The following HECW1 variants were observed in gnomAD, a reference collection of about 807,000 sequenced individuals.
HECW1 encodes E3 ubiquitin-protein ligase HECW1.
Under a neutral mutation model 182.3 loss-of-function variants are expected in HECW1, and 61 were observed. The ratio of observed to expected loss-of-function variants is 0.33; its 90% CI spans 0.27 to 0.41. The LOEUF is 0.41. Among genes scored for constraint, HECW1 ranks in the 10% least tolerant of loss-of-function variants. HECW1 has a pLI of 1.00. For synonymous variants in HECW1, 859 were observed against 832.6 expected (o/e 1.03, Z -0.55); for missense variants, 1,739 against 2,108.9 (o/e 0.82, Z 3.44).
At chr7:43,145,399 G>A (rs1158131782) in intron 2 of HECW1, among the ~76,000 whole-genome samples, 6 of 152,164 alleles carry the variant, frequency 3.9e-5, no homozygotes, top group Admixed American at 1.3e-4. Context: ...GGGCTCAGGC[G>A]ATCCTCCCAC....
chr7:43,308,188 AATATATTTAT>A (rs1807955843), intron 3 of HECW1, among the ~76,000 whole-genome samples: 1 of 100,846 alleles, frequency 9.9e-6, no homozygotes, highest in Non-Finnish European at 1.8e-5. Context: ...TATATATTAT[AATATATTTAT>A]ATATATTTTT....
Position 43,114,183 on chromosome 7 carries a change from G to T in HECW1, c.-240G>T. On this transcript the variant is annotated 5_prime_UTR_variant, in exon 2 of 30. The change creates a premature stop within an existing upstream ORF in the 5' untranslated region. Coordinates refer to ENST00000395891, the MANE Select transcript of HECW1 (RefSeq NM_015052.5). Reference sequence around the variant, plus strand: ...TATCAATGCTATGTTCAGCAGAAACGGATACAGCAAGAGCAGCATAGTTCA... The same window carrying T: ...TATCAATGCTATGTTCAGCAGAAACTGATACAGCAAGAGCAGCATAGTTCA... 1 of 1,228,612 alleles carries T rather than the reference G, an allele frequency of 8.1e-7. No individual in the cohort carries two copies. Among genetic ancestry groups the T allele is most frequent in the South Asian group, 1.4e-5 (1 of 71,002 alleles). The allele number at this position is 1,228,612 out of a possible 1,614,324, so 76.1% of individuals were successfully genotyped here.
chr7:43,312,140 T>A, intron 4 of HECW1, 53 bp downstream of exon 4: 1 of 1,441,236 alleles, frequency 6.9e-7, no homozygotes, highest in Non-Finnish European at 9.6e-7. Flanking sequence ...ACATATGCTG[T>A]CACATTTTAA....
intron 2 of HECW1, among the ~76,000 whole-genome samples, chr7:43,152,726 G>A (rs762174213): frequency 3.0e-4 from 46 of 152,094 alleles, no homozygotes; most frequent in Non-Finnish European, 4.4e-4. Context: ...TCACATTTAG[G>A]AATGAGATTT....
chr7:43,495,680 T>A (rs2079092400), intron 19 of HECW1, among the ~76,000 whole-genome samples: 1 of 152,210 alleles, frequency 6.6e-6, no homozygotes, highest in South Asian at 2.1e-4. Flanking sequence ...CACTTTCATT[T>A]ATGTTCAACT....
chr7:43,171,041 GCA>G (rs1042941226), intron 2 of HECW1, among the ~76,000 whole-genome samples: 8 of 152,208 alleles, frequency 5.3e-5, no homozygotes, highest in African/African-American at 1.9e-4. Context: ...CTCAACAGGG[GCA>G]CACTGTGGTT....
chr7:43,188,621 C>T (rs1160249877), intron 2 of HECW1, among the ~76,000 whole-genome samples: 1 of 152,138 alleles, frequency 6.6e-6, no homozygotes, highest in African/African-American at 2.4e-5. Context: ...ATAGCTGACA[C>T]CTCTGAGATT....
chr7:43,544,870 A>C (rs1033089553), intron 26 of HECW1, among the ~76,000 whole-genome samples: 1 of 152,238 alleles, frequency 6.6e-6, no homozygotes, highest in African/African-American at 2.4e-5. Context: ...AAAGAAAAAC[A>C]CAGGTCTAAA....
intron 2 of HECW1, among the ~76,000 whole-genome samples, chr7:43,152,178 T>A (rs1156234320): frequency 7.5e-6 from 1 of 133,202 alleles, no homozygotes; most frequent in Non-Finnish European, 1.6e-5. Flanking sequence ...ACTTAGGAAA[T>A]ATTCTGTTAA....
intron 22 of HECW1, 79 bp from the exon 23 acceptor site, chr7:43,507,939 C>G: frequency 2.1e-6 from 2 of 963,976 alleles, no homozygotes; most frequent in Non-Finnish European, 3.3e-6. Flanking sequence ...GAACCTAAAC[C>G]TGGACTCACA....
At chr7:43,456,261 C>T (rs779794866) in intron 12 of HECW1, 36 bp from the exon 13 acceptor site, 16 of 1,558,752 alleles carry the variant, frequency 1.0e-5, no homozygotes, top group South Asian at 2.3e-5. Flanking sequence ...GTAGTTTGTC[C>T]TTGATTTTTC....
chr7:43,385,435 C>G (rs1367100448), intron 6 of HECW1, among the ~76,000 whole-genome samples: 1 of 151,436 alleles, frequency 6.6e-6, no homozygotes, highest in East Asian at 1.9e-4. Flanking sequence ...TGAGTATACA[C>G]TGGACTCACC....
Position 43,407,778 on chromosome 7 carries a change from G to T in HECW1, c.801+47G>T, listed in dbSNP as rs779910177. Reference sequence around the variant, plus strand: ...AAAAAGCCCAAGTAAAAGTGAAAGGGCTGACTGTGAACCAGCCCTCCTCCT... The same window carrying T: ...AAAAAGCCCAAGTAAAAGTGAAAGGTCTGACTGTGAACCAGCCCTCCTCCT... On this transcript the variant is annotated intron_variant, in intron 8 of 29. Transcript: ENST00000395891. 1.2e-5 allele frequency: 19 copies of T among 1,545,692 alleles called. No homozygotes were observed. In the South Asian group the frequency reaches 2.0e-4, roughly 16 times the overall value.
intron 8 of HECW1, among the ~76,000 whole-genome samples, chr7:43,412,577 A>G (rs2075840393): frequency 1.4e-5 from 2 of 145,902 alleles, no homozygotes; most frequent in South Asian, 4.5e-4. Context: ...AGCATTAGGT[A>G]TATCTCCCAA....
At chr7:43,460,829 G>A (rs1484374414) in intron 13 of HECW1, among the ~76,000 whole-genome samples, 1 of 152,136 alleles carries the variant, frequency 6.6e-6, no homozygotes, top group Non-Finnish European at 1.5e-5. Flanking sequence ...CTGCCTCTGT[G>A]CTTCGGCAGA....
intron 24 of HECW1, among the ~76,000 whole-genome samples, chr7:43,513,294 G>C (rs186227545): frequency 6.6e-6 from 1 of 152,182 alleles, no homozygotes; most frequent in Non-Finnish European, 1.5e-5. Flanking sequence ...CTGGGACTCT[G>C]CTCTCCACGA....
intron 2 of HECW1, among the ~76,000 whole-genome samples, chr7:43,216,978 T>C (rs1410328549): frequency 5.3e-5 from 8 of 152,138 alleles, no homozygotes; most frequent in Admixed American, 5.2e-4. Context: ...AAAGCATCCT[T>C]GCACCAGAGG....
intron 2 of HECW1, among the ~76,000 whole-genome samples, chr7:43,145,303 C>T (rs963669571): frequency 3.9e-5 from 6 of 152,054 alleles, no homozygotes; most frequent in East Asian, 1.9e-4. Flanking sequence ...CTTTCATACA[C>T]GTATATATTT....
intron 2 of HECW1, chr7:43,147,722 G>A (rs1583689476): frequency 6.6e-6 from 1 of 152,096 alleles, no homozygotes; most frequent in Non-Finnish European, 1.5e-5. Context: ...GGCCCTTGAT[G>A]GTGCTGTTTC....
Sources: gnomAD v4.1 joint callset for allele counts (sites outside exome capture counted in the v4.1 genomes callset) on GRCh38, gnomAD v4.1.1 for gene constraint, MANE v1.5 for transcripts, NCBI Gene and HGNC (gene_info 2026-07-23, HGNC 2026-07-21) for gene names.